The following EDAR variants were observed in gnomAD, a reference collection of about 807,000 sequenced individuals.
EDAR encodes the protein ectodysplasin A receptor, also known as tumor necrosis factor receptor superfamily member EDAR.
In EDAR, 38 loss-of-function variants were observed where a neutral mutation model predicts 51.3. That is an observed-to-expected ratio of 0.74 (90% CI 0.57 to 0.97). The LOEUF (loss-of-function observed/expected upper bound fraction) is 0.97. Among genes scored for constraint, EDAR ranks in the 50% least tolerant of loss-of-function variants. The probability of loss-of-function intolerance (pLI) is 0.00; values close to 1 mark genes in which losing one functional copy is unlikely to be tolerated. For missense variants in EDAR, 528 were observed against 595.0 expected (o/e 0.89, Z 1.17); for synonymous variants, 227 against 242.1 (o/e 0.94, Z 0.58).
chr2:108,983,979 G>C (rs1002045443), intron 1 of EDAR, among the ~76,000 whole-genome samples: 12 of 152,224 alleles, frequency 7.9e-5, no homozygotes, highest in African/African-American at 2.9e-4. Context: ...TCCCAGCAGG[G>C]CTGCAAGGGG....
At chr2:108,932,642 G>T (rs1697388498) in intron 1 of EDAR, among the ~76,000 whole-genome samples, 1 of 152,008 alleles carries the variant, frequency 6.6e-6, no homozygotes. Flanking sequence ...AAGACCAAGG[G>T]CCCTGTCAGT....
At chr2:108,922,302 G>A (rs768719543) in intron 5 of EDAR, among the ~76,000 whole-genome samples, 8 of 152,232 alleles carry the variant, frequency 5.3e-5, no homozygotes, top group Admixed American at 3.3e-4. Flanking sequence ...GAGGACATGC[G>A]GGCCATGGCA....
At chr2:108,960,285 G>A (rs747677147) in intron 1 of EDAR, among the ~76,000 whole-genome samples, 2 of 152,184 alleles carry the variant, frequency 1.3e-5, no homozygotes, top group Non-Finnish European at 2.9e-5. Context: ...TTAGGAGCTG[G>A]TTTGACACTT....
chr2:108,906,044 C>T (rs1696796831), intron 11 of EDAR, among the ~76,000 whole-genome samples: 1 of 146,578 alleles, frequency 6.8e-6, no homozygotes, highest in Non-Finnish European at 1.5e-5. Context: ...CTGCGTTTCC[C>T]TACAGTGGGT....
chr2:108,972,405 C>T (rs536838528), intron 1 of EDAR, among the ~76,000 whole-genome samples: 25 of 152,202 alleles, frequency 1.6e-4, no homozygotes, highest in Non-Finnish European at 2.8e-4. Context: ...CCTCACGGGC[C>T]CTGGAGCCCT....
At chr2:108,932,515 T>G (rs1574388033) in intron 1 of EDAR, among the ~76,000 whole-genome samples, 1 of 112,966 alleles carries the variant, frequency 8.9e-6, no homozygotes, top group Non-Finnish European at 1.6e-5. Context: ...GGCGACAGAG[T>G]GAGACTCTGT....
intron 1 of EDAR, among the ~76,000 whole-genome samples, chr2:108,988,014 G>T (rs935115949): frequency 6.6e-6 from 1 of 152,150 alleles, no homozygotes; most frequent in African/African-American, 2.4e-5. Context: ...TCTCAAAAAT[G>T]CCACTTGAGA....
intron 1 of EDAR, among the ~76,000 whole-genome samples, chr2:108,983,376 G>T (rs1698446913): frequency 6.6e-6 from 1 of 152,100 alleles, no homozygotes; most frequent in South Asian, 2.1e-4. Flanking sequence ...TGGGGCCAGA[G>T]GTAATGTTTA....
At chr2:108,912,601 CA>C in intron 6 of EDAR, 76 bp downstream of exon 6, 1 of 1,353,612 alleles carries the variant, frequency 7.4e-7, no homozygotes, top group Non-Finnish European at 1.0e-6. Context: ...CACTCATGAT[CA>C]TTTCCTCTCC....
intron 9 of EDAR, among the ~76,000 whole-genome samples, chr2:108,909,396 A>G (rs1696871662): frequency 6.6e-6 from 1 of 151,722 alleles, no homozygotes. Context: ...TCTGGCACAC[A>G]GGATCTCCAC....
intron 1 of EDAR, among the ~76,000 whole-genome samples, chr2:108,963,008 G>A (rs1292558536): frequency 5.3e-5 from 8 of 152,264 alleles, no homozygotes; most frequent in African/African-American, 1.9e-4. Context: ...AGGGACATCT[G>A]CACCAGCGAT....
At chr2:108,928,121 C>T (rs181092611) in intron 4 of EDAR, among the ~76,000 whole-genome samples, 2 of 152,264 alleles carry the variant, frequency 1.3e-5, no homozygotes, top group Admixed American at 6.5e-5. Context: ...TCCATCTGCT[C>T]CCTGCCCTCC....
At chr2:108,978,664 G>C (rs1289531708) in intron 1 of EDAR, among the ~76,000 whole-genome samples, 1 of 152,150 alleles carries the variant, frequency 6.6e-6, no homozygotes. Context: ...TAGAACCTGA[G>C]GTGCAGTGAA....
intron 11 of EDAR, among the ~76,000 whole-genome samples, chr2:108,898,437 C>T (rs749984578): frequency 4.6e-5 from 7 of 152,180 alleles, no homozygotes; most frequent in East Asian, 1.9e-4. Flanking sequence ...AAGACAGCAC[C>T]CTCATTCTCC....
rs1303549164 is a variant in EDAR at position 108,937,751 on chromosome 2, ATGAATGTATGTGTG to A, written c.-18-6733_-18-6720del. Among the ~76,000 whole-genome samples, 7 of 151,922 alleles carry A rather than the reference ATGAATGTATGTGTG, an allele frequency of 4.6e-5. No homozygotes were observed. In the East Asian group the frequency reaches 7.7e-4, roughly 17 times the overall value. On this transcript the variant is annotated intron_variant, in intron 1 of 11. Transcript: ENST00000258443. ...TGTATCTGTGTATGAGTGTATGCAT[ATGAATGTATGTGTG>A]TGAATGTATGTGTGTGTATGTGGCA...
At chr2:108,963,316 G>T (rs1249968979) in intron 1 of EDAR, among the ~76,000 whole-genome samples, 1 of 152,210 alleles carries the variant, frequency 6.6e-6, no homozygotes, top group Admixed American at 6.5e-5. Context: ...TATGAGAAAA[G>T]AATTCAATTT....
rs188987699 is a variant in EDAR, at chr2:108,901,242, C to T, written c.1025-4013G>A. On this transcript the variant is annotated intron_variant, in intron 11 of 11. Coordinates refer to ENST00000258443, the MANE Select transcript of EDAR (RefSeq NM_022336.4). The stretch of plus-strand genomic sequence containing the variant: ...AGACAACAGTCTTCTAAATAATCCA[C>T]AGGTCAAAGAGGAAGTCTCAAAGAC... Among the ~76,000 whole-genome samples, 15 of 152,244 alleles carry T rather than the reference C, an allele frequency of 9.9e-5. No individual in the cohort carries two copies. The East Asian group carries it at 2.9e-3, about 29-fold the overall frequency.
At chr2:108,963,533 G>C (rs1698093560) in intron 1 of EDAR, among the ~76,000 whole-genome samples, 1 of 152,158 alleles carries the variant, frequency 6.6e-6, no homozygotes, top group Non-Finnish European at 1.5e-5. Flanking sequence ...GTTTCGTCTG[G>C]TAAAATTACA....
intron 1 of EDAR, among the ~76,000 whole-genome samples, chr2:108,963,067 C>T (rs1040069198): frequency 1.3e-5 from 2 of 152,180 alleles, no homozygotes; most frequent in Non-Finnish European, 2.9e-5. Flanking sequence ...GAAGGTCACT[C>T]ACTGTCACTT....
Sources: allele counts gnomAD v4.1 joint callset (sites outside exome capture counted in the v4.1 genomes callset), GRCh38; gene constraint gnomAD v4.1.1; transcripts MANE v1.5; gene names NCBI Gene and HGNC (gene_info 2026-07-23, HGNC 2026-07-21).